DCAF1: variants seen among roughly 807,000 people sequenced by gnomAD.
The protein encoded by DCAF1 is DDB1 and CUL4 associated factor 1.
A neutral mutation model predicts 128.0 loss-of-function variants in DCAF1; 15 were observed. The ratio of observed to expected loss-of-function variants is 0.12; its 90% CI spans 0.08 to 0.18. The LOEUF (loss-of-function observed/expected upper bound fraction) is 0.18. Ranked by LOEUF, DCAF1 falls within the 10% of genes least tolerant of loss-of-function variation. The pLI, the probability that DCAF1 is intolerant of heterozygous loss-of-function variation, is 1.00. For missense variants in DCAF1, 988 were observed against 1,649.5 expected, an observed-to-expected ratio of 0.60 and a Z score of 6.95; for synonymous variants, 610 against 603.0, an observed-to-expected ratio of 1.01 and a Z score of -0.17.
chr3:51,497,760 G>A (rs1043294536), intron 1 of DCAF1, among the ~76,000 whole-genome samples: 2 of 152,076 alleles, frequency 1.3e-5, no homozygotes, highest in Non-Finnish European at 2.9e-5. Flanking sequence ...GCCTGTGACT[G>A]CGGTCCTAGT....
intron 6 of DCAF1, among the ~76,000 whole-genome samples, chr3:51,450,067 C>T (rs1447183981): frequency 4.6e-5 from 7 of 152,140 alleles, no homozygotes; most frequent in South Asian, 2.1e-4. Flanking sequence ...GAATTAAAGC[C>T]GGGTATGGCG....
At chr3:51,480,000 T>A (rs1345694450) in intron 3 of DCAF1, among the ~76,000 whole-genome samples, 9 of 147,516 alleles carry the variant, frequency 6.1e-5, no homozygotes, top group Non-Finnish European at 8.9e-5. Context: ...AGCAACATAA[T>A]GAAACCCTGT....
chr3:51,494,617 A>G (rs1218826214), intron 2 of DCAF1, among the ~76,000 whole-genome samples: 1 of 152,140 alleles, frequency 6.6e-6, no homozygotes, highest in South Asian at 2.1e-4. Context: ...TTAAGCAGTT[A>G]GCCTACTAGA....
intron 6 of DCAF1, among the ~76,000 whole-genome samples, chr3:51,457,114 C>T (rs556814415): frequency 7.9e-5 from 12 of 152,122 alleles, no homozygotes; most frequent in South Asian, 6.2e-4. Context: ...CAAACTACTC[C>T]GAGCTACAGG....
chr3:51,448,581 C>T (rs1237886130), intron 6 of DCAF1, among the ~76,000 whole-genome samples: 1 of 152,164 alleles, frequency 6.6e-6, no homozygotes, highest in Non-Finnish European at 1.5e-5. Context: ...AAGTCTTGGA[C>T]TTTTCTTAGA....
intron 23 of DCAF1, among the ~76,000 whole-genome samples, chr3:51,407,138 G>A (rs560654244): frequency 1.1e-4 from 12 of 112,346 alleles, no homozygotes; most frequent in Non-Finnish European, 1.5e-4. Flanking sequence ...GCCTGGGCGA[G>A]ACAGAGTGAG....
At chr3:51,446,016 CAG>C (rs1423058517) in intron 6 of DCAF1, among the ~76,000 whole-genome samples, 1 of 125,446 alleles carries the variant, frequency 8.0e-6, no homozygotes, top group East Asian at 2.6e-4. Context: ...TTTTTCCAGA[CAG>C]AGTCTTGCTC....
At chr3:51,502,465 G>C (rs1162559900), upstream of DCAF1, among the ~76,000 whole-genome samples, 1 of 152,112 alleles carries the variant, frequency 6.6e-6, no homozygotes, top group Non-Finnish European at 1.5e-5. Flanking sequence ...GCTGAGGTGG[G>C]AGGATTGCTT....
chr3:51,414,372 G>A (rs1373397670), intron 19 of DCAF1, among the ~76,000 whole-genome samples: 1 of 152,172 alleles, frequency 6.6e-6, no homozygotes, highest in Non-Finnish European at 1.5e-5. Flanking sequence ...TCAATTCTTG[G>A]AGAACTGGGA....
At chr3:51,399,767 G>C (rs1446878981) in intron 24 of DCAF1, among the ~76,000 whole-genome samples, 5 of 152,102 alleles carry the variant, frequency 3.3e-5, no homozygotes, top group Non-Finnish European at 5.9e-5. Context: ...CGTAGCTCAG[G>C]AGGCTATGAA....
chr3:51,475,939 C>T (rs1705388262), intron 3 of DCAF1, among the ~76,000 whole-genome samples: 1 of 152,032 alleles, frequency 6.6e-6, no homozygotes, highest in South Asian at 2.1e-4. Flanking sequence ...GAGACACTCT[C>T]GGTAAGTTAT....
At chr3:51,487,911 C>A (rs1217996594) in intron 2 of DCAF1, among the ~76,000 whole-genome samples, 1 of 152,030 alleles carries the variant, frequency 6.6e-6, no homozygotes, top group Non-Finnish European at 1.5e-5. Context: ...GTCGCCCAGA[C>A]TGGAGTGCAG....
chr3:51,454,546 A>G lies in DCAF1; in HGVS notation c.375+8568T>C, dbSNP rs368521891. Among the ~76,000 whole-genome samples the G allele has an allele frequency of 3.7e-4, 55 of 150,680 alleles. 1 individual carries two copies. The South Asian group carries it at 0.01, about 28-fold the overall frequency. On this transcript the variant is annotated intron_variant, in intron 6 of 24. Transcript: ENST00000684031. ...CCGGCTAATTTTTGTATTTTTTTGT[A>G]GAGACAGGGTTTTGCCATGTTGGCC...
intron 2 of DCAF1, among the ~76,000 whole-genome samples, chr3:51,496,175 C>T (rs930042308): frequency 1.3e-5 from 2 of 152,016 alleles, no homozygotes; most frequent in Admixed American, 6.6e-5. Flanking sequence ...GCCTGTAATC[C>T]CAGCACCTTG....
chr3:51,407,741 A>G (rs1313646707), intron 23 of DCAF1, among the ~76,000 whole-genome samples: 3 of 152,054 alleles, frequency 2.0e-5, no homozygotes, highest in Non-Finnish European at 4.4e-5. Flanking sequence ...TAATCCCAGC[A>G]CTTTGGGAGG....
intron 14 of DCAF1, among the ~76,000 whole-genome samples, chr3:51,421,459 G>T (rs1699384266): frequency 6.6e-6 from 1 of 152,090 alleles, no homozygotes; most frequent in South Asian, 2.1e-4. Context: ...GTTTCACCAT[G>T]TTGGCCAGTC....
intron 3 of DCAF1, among the ~76,000 whole-genome samples, chr3:51,476,721 C>CA (rs1401864089): frequency 2.0e-5 from 3 of 151,110 alleles, no homozygotes; most frequent in Admixed American, 6.6e-5. Context: ...ACTAAAAATA[C>CA]AAAAAAATTA....
chr3:51,398,068 T>C lies in DCAF1; in HGVS notation c.*701A>G, dbSNP rs2089335768. On this transcript the variant is annotated 3_prime_UTR_variant, in exon 25 of 25. Transcript: ENST00000684031. ...CAATGACCATGCTGCCCCCAAACCA[T>C]GAAGGTGAGTGAATTTAGGCATTTA... 1 of 154,490 alleles carries C rather than the reference T, an allele frequency of 6.5e-6. No homozygotes were observed. The highest frequency in any genetic ancestry group is 2.4e-5 in the African/African-American group (1 of 41,348). The allele number at this position is 154,490 out of a possible 1,614,324, so 9.6% of individuals were successfully genotyped here. A position where few individuals can be genotyped will look rare whatever the true frequency, so the allele number is the denominator to read the frequency against.
intron 23 of DCAF1, among the ~76,000 whole-genome samples, chr3:51,410,580 C>T (rs957934136): frequency 6.6e-6 from 1 of 152,236 alleles, no homozygotes; most frequent in African/African-American, 2.4e-5. Flanking sequence ...GGGTCCTTTG[C>T]CCTAGTATTA....
Sources: allele counts gnomAD v4.1 joint callset (sites outside exome capture counted in the v4.1 genomes callset), GRCh38; gene constraint gnomAD v4.1.1; transcripts MANE v1.5; gene names NCBI Gene and HGNC (gene_info 2026-07-23, HGNC 2026-07-21).